DOCK8: variants seen among roughly 807,000 people sequenced by gnomAD.
DOCK8 encodes the protein dedicator of cytokinesis protein 8.
In DOCK8, 141 loss-of-function variants were observed where a neutral mutation model predicts 245.6. The observed-to-expected ratio is 0.57, with a 90% CI of 0.50 to 0.66. The LOEUF (loss-of-function observed/expected upper bound fraction) is 0.66, where lower values mean the gene tolerates loss of function less well. Among genes scored for constraint, DOCK8 ranks in the 30% least tolerant of loss-of-function variants. DOCK8 has a pLI of 0.00. For synonymous variants in DOCK8, 1,168 were observed against 970.2 expected (o/e 1.20, Z -3.79); for missense variants, 2,965 against 2,603.4 (o/e 1.14, Z -3.02).
In DOCK8 at chr9:396,808, A is replaced by G. The variant is rs781009861; in HGVS notation, c.2994A>G (p.Val998=). Residue 998 remains valine, a synonymous_variant, in exon 25 of 48, where the codon GTA becomes GTG. Transcript: ENST00000432829. The stretch of plus-strand genomic sequence containing the variant: ...AGGTGAAAAGCATGGCCCAGCACGT[A>G]CATAACATGGACAAACGGGACAGTT... ...ELLVKSMAQH[V]HNMDKRDSFR... 1.2e-6 allele frequency: 2 copies of G among 1,614,184 alleles called. No homozygotes were observed. Among genetic ancestry groups the G allele is most frequent in the South Asian group, 1.1e-5 (1 of 91,084 alleles).
intron 4 of DOCK8, among the ~76,000 whole-genome samples, chr9:296,894 C>A (rs1474973362): frequency 6.6e-6 from 1 of 152,188 alleles, no homozygotes; most frequent in African/African-American, 2.4e-5. Flanking sequence ...TTAACACACA[C>A]CAGCCTGGTT....
chr9:235,160 C>T (rs983907586), intron 1 of DOCK8, among the ~76,000 whole-genome samples: 2 of 152,306 alleles, frequency 1.3e-5, no homozygotes, highest in African/African-American at 4.8e-5. Context: ...GCTAGAGGTC[C>T]ACTCCAGACG....
chr9:298,613 C>T (rs1046390183), intron 4 of DOCK8, among the ~76,000 whole-genome samples: 6 of 125,616 alleles, frequency 4.8e-5, no homozygotes, highest in Non-Finnish European at 6.6e-5. Flanking sequence ...AAGCACACAT[C>T]TGTAAGTGTG....
chr9:235,380 G>C (rs556290999), intron 1 of DOCK8, among the ~76,000 whole-genome samples: 7 of 152,336 alleles, frequency 4.6e-5, no homozygotes, highest in African/African-American at 1.7e-4. Flanking sequence ...CCCGTTCTCA[G>C]ATCTGAAGCT....
At chr9:235,339 G>A (rs2047219598) in intron 1 of DOCK8, among the ~76,000 whole-genome samples, 1 of 152,160 alleles carries the variant, frequency 6.6e-6, no homozygotes, top group Non-Finnish European at 1.5e-5. Context: ...GGCTACTCGG[G>A]GGTCAGGGAC....
intron 2 of DOCK8, among the ~76,000 whole-genome samples, chr9:273,437 C>A (rs756321176): frequency 6.6e-6 from 1 of 151,952 alleles, no homozygotes; most frequent in African/African-American, 2.4e-5. Flanking sequence ...ATTGAAAAAT[C>A]AAAAAAATTT....
intron 46 of DOCK8, chr9:459,906 C>G (rs933218841): frequency 6.6e-6 from 1 of 152,224 alleles, no homozygotes; most frequent in African/African-American, 2.4e-5. Context: ...GGCCATATTA[C>G]CTTTTATTAG....
At chr9:326,560 A>G (rs1027009921) in intron 8 of DOCK8, among the ~76,000 whole-genome samples, 3 of 152,190 alleles carry the variant, frequency 2.0e-5, no homozygotes, top group Non-Finnish European at 4.4e-5. Flanking sequence ...TCCCCTGCTG[A>G]TGCTGAAGCT....
At chr9:242,164 G>A (rs1323416437) in intron 1 of DOCK8, among the ~76,000 whole-genome samples, 7 of 152,076 alleles carry the variant, frequency 4.6e-5, no homozygotes, top group South Asian at 2.1e-4. Flanking sequence ...TATATGGTTC[G>A]TAAAGTTCAT....
At chr9:303,827 C>G (rs1022347628) in intron 4 of DOCK8, among the ~76,000 whole-genome samples, 4 of 152,180 alleles carry the variant, frequency 2.6e-5, no homozygotes, top group Non-Finnish European at 5.9e-5. Flanking sequence ...GATAAGATAT[C>G]CCGTATCCTC....
At position 418,079 on chromosome 9, in the gene DOCK8, C is replaced by A; in HGVS notation, c.3712C>A (p.Arg1238Ser). 1.2e-6 allele frequency: 2 copies of A among 1,614,186 alleles called. No homozygotes were observed. The highest frequency in any genetic ancestry group is 2.2e-5 in the South Asian group (2 of 91,082). ...QLCDFTVADTRRYRTSGSDEE... is the reference protein window; with the variant it reads ...QLCDFTVADTSRYRTSGSDEE... ...TGTTTTCATTGCAGTTGCAGATACT[C>A]GCAGATACCGCACCAGTGGCTCGGA... Residue 1238 changes from arginine to serine, a missense_variant, in exon 30 of 48, where the codon CGC becomes AGC. Around this residue, in one of 3 missense-constraint regions of DOCK8, gnomAD observed 2,825 missense variants for 2,453.5 expected, o/e 1.15. Coordinates refer to ENST00000432829, the MANE Select transcript of DOCK8 (RefSeq NM_203447.4).
intron 11 of DOCK8, among the ~76,000 whole-genome samples, chr9:335,610 A>G (rs1413994653): frequency 6.6e-6 from 1 of 152,132 alleles, no homozygotes; most frequent in East Asian, 1.9e-4. Context: ...CCGTCTATGT[A>G]GACCCAAGTA....
At position 400,472 on chromosome 9, in the gene DOCK8, C is replaced by CCT. The variant is rs1372742905; in HGVS notation, c.3234+1214_3234+1215insTC. Among the ~76,000 whole-genome samples, 6 of 1,442 alleles carry CCT rather than the reference C, an allele frequency of 4.2e-3. 1 individual carries two copies. The highest frequency in any genetic ancestry group is 0.024 in the African/African-American group (2 of 84). The allele number at this position is 1,442 out of a possible 152,430, so 0.9% of individuals were successfully genotyped here. On this transcript the variant is annotated intron_variant, in intron 26 of 47. Coordinates refer to ENST00000432829, the MANE Select transcript of DOCK8 (RefSeq NM_203447.4). The stretch of plus-strand genomic sequence containing the variant: ...ACCAGCATCTTCACCATCACCACCA[C>CCT]CCACCTCCTTCACCATCACCACCAC...
Position 336,588 on chromosome 9 carries a change from G to A in DOCK8, c.1292G>A (p.Ser431Asn). The A allele has an allele frequency of 6.2e-7, 1 of 1,614,204 alleles. No individual in the cohort carries two copies. Among genetic ancestry groups the A allele is most frequent in the Non-Finnish European group, 8.5e-7 (1 of 1,180,022 alleles). ...ACAATTGTTTTTCTTAAAGGGAGAA[G>A]CTCAGTGGGTGAACGGAGGACATTG... Reference protein sequence around the residue: ...VTDVDSVVGRSSVGERRTLAQ... With the variant: ...VTDVDSVVGRNSVGERRTLAQ... Residue 431 changes from serine (S) to asparagine (N), a missense_variant, in exon 12 of 48, where the codon AGC becomes AAC. Around this residue, in one of 3 missense-constraint regions of DOCK8, gnomAD observed 2,825 missense variants for 2,453.5 expected, o/e 1.15. Coordinates refer to ENST00000432829, the MANE Select transcript of DOCK8 (RefSeq NM_203447.4).
At chr9:253,282 G>C (rs2479325) in intron 1 of DOCK8, among the ~76,000 whole-genome samples, 90,349 of 151,990 alleles carry the variant, frequency 0.59, 27,240 homozygotes, top group East Asian at 0.8. Flanking sequence ...TCTTTCAATC[G>C]AACTAAACAC....
upstream of DOCK8, chr9:214,512 C>G (rs748123714): frequency 6.8e-6 from 11 of 1,612,790 alleles, no homozygotes; most frequent in Non-Finnish European, 7.6e-6. Context: ...CCTAGCCTTA[C>G]GAATCCCTGG....
At chr9:225,300 C>T (rs1052527030) in intron 1 of DOCK8, among the ~76,000 whole-genome samples, 4 of 152,146 alleles carry the variant, frequency 2.6e-5, no homozygotes, top group African/African-American at 9.7e-5. Context: ...AGAAGGGCAA[C>T]ACCTCTGAGG....
At chr9:322,600 A>T (rs369596177) in intron 7 of DOCK8, among the ~76,000 whole-genome samples, 1 of 152,254 alleles carries the variant, frequency 6.6e-6, no homozygotes, top group African/African-American at 2.4e-5. Flanking sequence ...TGATGTGTGG[A>T]AAGCACTTAT....
At chr9:293,048 C>G (rs530146701) in intron 4 of DOCK8, among the ~76,000 whole-genome samples, 60 of 152,260 alleles carry the variant, frequency 3.9e-4, no homozygotes, top group Non-Finnish European at 7.6e-4. Flanking sequence ...TGGCAACATT[C>G]TAGGGATGGG....
Sources: gnomAD v4.1 joint callset for allele counts (sites outside exome capture counted in the v4.1 genomes callset) on GRCh38, gnomAD v4.1.1 for gene constraint, gnomAD v4.1.1 regional missense constraint, MANE v1.5 for transcripts, NCBI Gene and HGNC (gene_info 2026-07-23, HGNC 2026-07-21) for gene names.